The following SMYD3 variants were observed in gnomAD, a reference collection of about 807,000 sequenced individuals.
SMYD3 encodes SET and MYND domain containing 3, also known as histone-lysine N-methyltransferase SMYD3.
In SMYD3, 36 loss-of-function variants were observed where a neutral mutation model predicts 57.7. That is an observed-to-expected ratio of 0.62 (90% CI 0.48 to 0.82). SMYD3 has a LOEUF of 0.82. SMYD3 is among the 40% of genes least tolerant of loss of function. SMYD3 has a pLI of 0.00. For missense variants in SMYD3, 515 were observed against 538.8 expected (o/e 0.96, Z 0.44); for synonymous variants, 211 against 195.0 (o/e 1.08, Z -0.68).
At chr1:246,172,951 C>G (rs1397633980) in intron 5 of SMYD3, among the ~76,000 whole-genome samples, 1 of 151,256 alleles carries the variant, frequency 6.6e-6, no homozygotes, top group African/African-American at 2.4e-5. Flanking sequence ...GCCTAGAACA[C>G]TCACTGTACT....
At chr1:246,272,546 T>A (rs1210494093) in intron 5 of SMYD3, among the ~76,000 whole-genome samples, 2 of 152,118 alleles carry the variant, frequency 1.3e-5, no homozygotes, top group African/African-American at 4.8e-5. Flanking sequence ...TCACGTGGGG[T>A]TTTTTTCCCC....
At chr1:246,059,779 C>T (rs1302014838) in intron 5 of SMYD3, among the ~76,000 whole-genome samples, 1 of 152,110 alleles carries the variant, frequency 6.6e-6, no homozygotes, top group East Asian at 1.9e-4. Flanking sequence ...AAGAAATGTG[C>T]CCCTTGCTTG....
chr1:245,825,968 G>C (rs1414285872), intron 10 of SMYD3, among the ~76,000 whole-genome samples: 1 of 143,460 alleles, frequency 7.0e-6, no homozygotes, highest in Non-Finnish European at 1.5e-5. Context: ...GACCTCCTCT[G>C]CCTTAATCAT....
intron 5 of SMYD3, among the ~76,000 whole-genome samples, chr1:246,235,102 C>T (rs1224411870): frequency 2.0e-5 from 3 of 152,132 alleles, no homozygotes; most frequent in South Asian, 4.1e-4. Context: ...GAGCTACTAA[C>T]TTAGTAAAAA....
At chr1:245,791,603 G>A (rs2047272836) in intron 10 of SMYD3, among the ~76,000 whole-genome samples, 2 of 139,808 alleles carry the variant, frequency 1.4e-5, no homozygotes, top group Non-Finnish European at 3.1e-5. Flanking sequence ...GGGGGGAGAG[G>A]ACGGGAGAAA....
intron 5 of SMYD3, among the ~76,000 whole-genome samples, chr1:246,090,722 TG>T (rs1446063622): frequency 2.6e-5 from 4 of 152,018 alleles, no homozygotes; most frequent in Admixed American, 2.6e-4. Flanking sequence ...TTTGCTATGT[TG>T]GTCAGGCTGG....
chr1:246,138,201 T>C (rs2061692556), intron 5 of SMYD3, among the ~76,000 whole-genome samples: 1 of 152,110 alleles, frequency 6.6e-6, no homozygotes, highest in African/African-American at 2.4e-5. Context: ...CTCTGTCCCA[T>C]CCTCACTCCG....
intron 5 of SMYD3, among the ~76,000 whole-genome samples, chr1:246,124,928 C>T (rs918918467): frequency 1.3e-5 from 2 of 151,972 alleles, no homozygotes; most frequent in African/African-American, 4.8e-5. Context: ...AAAAATTAGC[C>T]GGGCGTGGTG....
In SMYD3 at chr1:246,036,720, A is replaced by ATTTTTTTTTT. The variant is rs546300378; in HGVS notation, c.532-106793_532-106784dup. On this transcript the variant is annotated intron_variant, in intron 5 of 11. Coordinates refer to ENST00000490107, the MANE Select transcript of SMYD3 (RefSeq NM_001167740.2). ...AGGCGCCTGCCACTAAGCCCGGCTA[A>ATTTTTTTTTT]TTTTTTTTTTTTTTTTTGTACTTTT... Among the ~76,000 whole-genome samples, 113 of 110,462 alleles carry ATTTTTTTTTT rather than the reference A, an allele frequency of 1.0e-3. 3 individuals are homozygous for ATTTTTTTTTT. The highest frequency in any genetic ancestry group is 2.5e-3 in the African/African-American group (63 of 25,446). 72.5% of individuals were successfully genotyped at this position (110,462 alleles called of 152,430 possible). A position where few individuals can be genotyped will look rare whatever the true frequency, so the allele number is the denominator to read the frequency against.
intron 5 of SMYD3, among the ~76,000 whole-genome samples, chr1:246,004,407 G>C (rs1366378835): frequency 6.6e-6 from 1 of 152,156 alleles, no homozygotes; most frequent in African/African-American, 2.4e-5. Flanking sequence ...ACCTGCAAGA[G>C]TCCACAACAC....
chr1:246,206,916 G>C (rs1026210064), intron 5 of SMYD3, among the ~76,000 whole-genome samples: 1 of 152,094 alleles, frequency 6.6e-6, no homozygotes, highest in Non-Finnish European at 1.5e-5. Context: ...AAAATAACTC[G>C]TATTAATTAT....
intron 10 of SMYD3, among the ~76,000 whole-genome samples, chr1:245,779,582 C>T (rs2046751150): frequency 6.6e-6 from 1 of 152,198 alleles, no homozygotes; most frequent in Non-Finnish European, 1.5e-5. Context: ...TCAAATTACT[C>T]AAATTACTCA....
At position 245,930,088 on chromosome 1, in the gene SMYD3, C is replaced by A. The variant is rs545897422; in HGVS notation, c.532-151G>T. ...CCAATCATGGATGCTCTTTGACTTA[C>A]AACAGAATTTATCTGGGATATACTC... On this transcript the variant is annotated intron_variant, in intron 5 of 11. Transcript: ENST00000490107. 7 of 649,522 alleles carry A rather than the reference C, an allele frequency of 1.1e-5. 1 individual carries two copies. Among genetic ancestry groups the A allele is most frequent in the South Asian group, 6.0e-5 (4 of 66,728 alleles). The allele number at this position is 649,522 out of a possible 1,614,324, so 40.2% of individuals were successfully genotyped here. A position where few individuals can be genotyped will look rare whatever the true frequency, so the allele number is the denominator to read the frequency against.
At chr1:245,771,520 G>T (rs2046335767) in intron 10 of SMYD3, among the ~76,000 whole-genome samples, 1 of 152,206 alleles carries the variant, frequency 6.6e-6, no homozygotes, top group African/African-American at 2.4e-5. Context: ...TCAATGAACA[G>T]TATATAACAG....
At chr1:245,899,295 A>G (rs985472475) in intron 8 of SMYD3, among the ~76,000 whole-genome samples, 12 of 152,208 alleles carry the variant, frequency 7.9e-5, no homozygotes, top group Non-Finnish European at 2.9e-5. Flanking sequence ...ATCTCAGAGG[A>G]GTGTTTATAT....
rs561427887 is a variant in SMYD3 at position 246,362,606 on chromosome 1, G to A, written c.165-7512C>T. On this transcript the variant is annotated intron_variant, in intron 1 of 11. Coordinates refer to ENST00000490107, the MANE Select transcript of SMYD3 (RefSeq NM_001167740.2). ...CTGCCAAGTGCCTGCGATTGCAGGC[G>A]CGCACCGCCACGCCTGACTGGTTTT... is the stretch of plus-strand genomic sequence containing the variant. Among the ~76,000 whole-genome samples, 1,450 of 152,294 alleles carry A rather than the reference G, an allele frequency of 9.5e-3. 27 individuals carry two copies. Among genetic ancestry groups the A allele is most frequent in the African/African-American group, 0.032 (1,335 of 41,570 alleles).
intron 5 of SMYD3, among the ~76,000 whole-genome samples, chr1:246,196,642 TC>T (rs1237895901): frequency 6.6e-6 from 1 of 152,238 alleles, no homozygotes; most frequent in Non-Finnish European, 1.5e-5. Flanking sequence ...AATACAACAT[TC>T]TTTCCCCAAT....
chr1:245,916,084 C>T (rs764861668), intron 7 of SMYD3, among the ~76,000 whole-genome samples: 1 of 152,060 alleles, frequency 6.6e-6, no homozygotes, highest in Non-Finnish European at 1.5e-5. Flanking sequence ...ATAGCTGCCT[C>T]ATGGAATTTA....
intron 5 of SMYD3, among the ~76,000 whole-genome samples, chr1:246,181,308 A>G (rs989910183): frequency 2.6e-5 from 4 of 152,238 alleles, no homozygotes; most frequent in African/African-American, 9.6e-5. Flanking sequence ...CAGATACACT[A>G]GTCTCAGCTC....
Sources: allele counts gnomAD v4.1 joint callset (sites outside exome capture counted in the v4.1 genomes callset), GRCh38; gene constraint gnomAD v4.1.1; transcripts MANE v1.5; gene names NCBI Gene and HGNC (gene_info 2026-07-23, HGNC 2026-07-21).